The following APCDD1 variants were observed in gnomAD, a reference collection of about 807,000 sequenced individuals.
The protein encoded by APCDD1 is APC down-regulated 1, also known as protein APCDD1.
A neutral mutation model predicts 38.1 loss-of-function variants in APCDD1; 15 were observed. The observed-to-expected ratio is 0.39, with a 90% CI of 0.26 to 0.61. APCDD1 has a LOEUF of 0.61. Ranked by LOEUF, APCDD1 falls within the 20% of genes least tolerant of loss-of-function variation. The pLI, the probability that APCDD1 is intolerant of heterozygous loss-of-function variation, is 0.49. For missense variants in APCDD1, 647 were observed against 696.2 expected, an observed-to-expected ratio of 0.93 and a Z score of 0.79; for synonymous variants, 261 against 279.7, an observed-to-expected ratio of 0.93 and a Z score of 0.67.
rs927955703 is a variant in APCDD1 at position 10,470,250 on chromosome 18, ATCT to A, written c.243-1275_243-1273del. ...TAGATTAAAAAATTAAACAAAAGGG[ATCT>A]TCTTTTCTAAACCTCATCTAACATG... On this transcript the variant is annotated intron_variant, in intron 2 of 4. Transcript: ENST00000355285. The surrounding 1 kb of genome is among the most constrained non-coding windows in gnomAD (Gnocchi z 4.1). 1.3e-5 allele frequency among the ~76,000 whole-genome samples: 2 copies of A among 152,096 alleles called. No homozygotes were observed. Among genetic ancestry groups the A allele is most frequent in the African/African-American group, 4.8e-5 (2 of 41,426 alleles).
chr18:10,474,549 A>G (rs1402939239), intron 3 of APCDD1, among the ~76,000 whole-genome samples: 1 of 152,148 alleles, frequency 6.6e-6, no homozygotes, highest in Admixed American at 6.5e-5. Flanking sequence ...AGTCCTTTGC[A>G]CCCACTCAGG....
At chr18:10,480,690 C>T (rs746359598) in intron 3 of APCDD1, among the ~76,000 whole-genome samples, 4 of 145,362 alleles carry the variant, frequency 2.8e-5, no homozygotes, top group East Asian at 2.1e-4. Context: ...GGTGAAACCC[C>T]GTCTCTACAA....
chr18:10,472,934 T>A lies in APCDD1; in HGVS notation c.774+873T>A, dbSNP rs1284642551. Reference sequence around the variant, plus strand: ...GTCCCAGGCAGGAGGGGAGTGGGCTTCTGCCCAGTGCGTAGTGTGAACGTG... The same window carrying A: ...GTCCCAGGCAGGAGGGGAGTGGGCTACTGCCCAGTGCGTAGTGTGAACGTG... On this transcript the variant is annotated intron_variant, in intron 3 of 4. Transcript: ENST00000355285. This position sits in a 1 kb window ranked among gnomAD's most constrained non-coding sequence, Gnocchi z 6.6. Among the ~76,000 whole-genome samples, 21 of 152,072 alleles carry A rather than the reference T, an allele frequency of 1.4e-4. No homozygotes were observed. Among genetic ancestry groups the A allele is most frequent in the Admixed American group, 1.4e-3 (21 of 15,280 alleles).
In APCDD1 at chr18:10,468,657, G is replaced by A; in HGVS notation, c.242+5G>A. On this transcript the variant is annotated splice_donor_5th_base_variant and intron_variant, in intron 2 of 4. Transcript: ENST00000355285. ...GGGCCACTGGGTCTCCACAGGGTAA[G>A]AGGACAGGTGGGGTCTGGGAGAGGC... 1 of 1,613,338 alleles carries A rather than the reference G, an allele frequency of 6.2e-7. No individual in the cohort carries two copies. Among genetic ancestry groups the A allele is most frequent in the Non-Finnish European group, 8.5e-7 (1 of 1,180,014 alleles).
intron 4 of APCDD1, among the ~76,000 whole-genome samples, chr18:10,487,012 A>G (rs2031263216): frequency 6.6e-6 from 1 of 152,220 alleles, no homozygotes. Context: ...GACCTTCAGA[A>G]GCAATTCTCC....
At position 10,481,803 on chromosome 18, in the gene APCDD1, T is replaced by C. The variant is rs76516585; in HGVS notation, c.775-3659T>C. 5.3e-5 allele frequency among the ~76,000 whole-genome samples: 8 copies of C among 151,024 alleles called. No homozygotes were observed. The East Asian group carries it at 1.6e-3, about 30-fold the overall frequency. ...CCACCTGATGGAAAACAAGCCTCCC[T>C]GCGCCTGTGCTCTCCACAAGACAAA... On this transcript the variant is annotated intron_variant, in intron 3 of 4. Transcript: ENST00000355285.
Position 10,471,403 on chromosome 18 carries a change from C to A in APCDD1, c.243-127C>A. 8.1e-7 allele frequency: 1 copy of A among 1,237,944 alleles called. No homozygotes were observed. The highest frequency in any genetic ancestry group is 1.3e-5 in the South Asian group (1 of 77,312). 76.7% of individuals were successfully genotyped at this position (1,237,944 alleles called of 1,614,324 possible). A position where few individuals can be genotyped will look rare whatever the true frequency, so the allele number is the denominator to read the frequency against. On this transcript the variant is annotated intron_variant, in intron 2 of 4. Coordinates refer to ENST00000355285, the MANE Select transcript of APCDD1 (RefSeq NM_153000.5). The surrounding 1 kb of genome is among the most constrained non-coding windows in gnomAD (Gnocchi z 5.5). Reference sequence around the variant, plus strand: ...TCAATGAGTTGGTATCTATAAAGGGCTGACAACAGAGTCTGGCCCATCGTC... The same window carrying A: ...TCAATGAGTTGGTATCTATAAAGGGATGACAACAGAGTCTGGCCCATCGTC...
intron 3 of APCDD1, among the ~76,000 whole-genome samples, chr18:10,473,925 ATTT>A (rs10691722): frequency 7.8e-6 from 1 of 127,812 alleles, no homozygotes. Flanking sequence ...CCTTTCTGGG[ATTT>A]TTTTTTTTTT....
rs555192689 is a variant in APCDD1 at position 10,475,819 on chromosome 18, G to A, written c.774+3758G>A. The stretch of plus-strand genomic sequence containing the variant: ...GGGGGGGGGGGGTCAGTGGAAGGCC[G>A]AGTGGCTCTGGTAGCTGAAAGGGTC... On this transcript the variant is annotated intron_variant, in intron 3 of 4. Transcript: ENST00000355285. This position sits in a 1 kb window ranked among gnomAD's most constrained non-coding sequence, Gnocchi z 4.0. 1.3e-5 allele frequency: 2 copies of A among 149,626 alleles called. No homozygotes were observed. Among genetic ancestry groups the A allele is most frequent in the East Asian group, 3.9e-4 (2 of 5,152 alleles). 9.3% of individuals were successfully genotyped at this position (149,626 alleles called of 1,614,324 possible).
At position 10,470,838 on chromosome 18, in the gene APCDD1, C is replaced by T. The variant is rs2030833820; in HGVS notation, c.243-692C>T. On this transcript the variant is annotated intron_variant, in intron 2 of 4. Coordinates refer to ENST00000355285, the MANE Select transcript of APCDD1 (RefSeq NM_153000.5). This position sits in a 1 kb window ranked among gnomAD's most constrained non-coding sequence, Gnocchi z 4.1. The stretch of plus-strand genomic sequence containing the variant: ...GTCTCAGTGCTTCTGGCTCAGGAAC[C>T]TAGCATTCATCTAAGGCCACACTGG... Among the ~76,000 whole-genome samples, 1 of 152,224 alleles carries T rather than the reference C, an allele frequency of 6.6e-6. No individual in the cohort carries two copies. The highest frequency in any genetic ancestry group is 2.4e-5 in the African/African-American group (1 of 41,464).
intron 3 of APCDD1, among the ~76,000 whole-genome samples, chr18:10,480,924 A>G (rs972540004): frequency 6.8e-6 from 1 of 148,050 alleles, no homozygotes; most frequent in African/African-American, 2.5e-5. Context: ...GTAACTAGTC[A>G]ACAACCAAAA....
At position 10,454,804 on chromosome 18, in the gene APCDD1, G is replaced by C. The variant is rs1331342056; in HGVS notation, c.-178G>C. ...CCACAGCCGCCCGACGGCGCCCAGA[G>C]AGCGCGCGCCCCGCAGCCCCGCGCC... is the stretch of plus-strand genomic sequence containing the variant. On this transcript the variant is annotated 5_prime_UTR_variant, in exon 1 of 5. Transcript: ENST00000355285. 1.0e-6 allele frequency: 1 copy of C among 982,514 alleles called. No individual in the cohort carries two copies. 60.9% of individuals were successfully genotyped at this position (982,514 alleles called of 1,614,324 possible).
At chr18:10,455,101 G>A in intron 1 of APCDD1, 62 bp downstream of exon 1, 1 of 1,542,078 alleles carries the variant, frequency 6.5e-7, no homozygotes, top group Non-Finnish European at 8.7e-7. Context: ...GCGCCGCGGA[G>A]CCCGCGGAGG....
chr18:10,464,831 A>T (rs1054687549), intron 1 of APCDD1, among the ~76,000 whole-genome samples: 11 of 152,192 alleles, frequency 7.2e-5, no homozygotes, highest in African/African-American at 2.7e-4. Context: ...CTTTGCCTGG[A>T]GGCCCTATGT....
chr18:10,463,096 C>T (rs577541665), intron 1 of APCDD1, among the ~76,000 whole-genome samples: 10 of 152,060 alleles, frequency 6.6e-5, no homozygotes, highest in East Asian at 1.9e-4. Flanking sequence ...TAGGTCACCC[C>T]GTGCCCCCTT....
In APCDD1 at chr18:10,487,752, C is replaced by T. The variant is rs114154601; in HGVS notation, c.1259C>T (p.Thr420Met). Residue 420 changes from threonine (T) to methionine (M), a missense_variant, in exon 5 of 5, where the codon ACG (threonine) becomes ATG (methionine). By Grantham distance (81) the Thr-to-Met change is moderately conservative. Transcript: ENST00000355285. ...CVALGIKLPH[T>M]EYEIFKMEQD... ...GCCCTGGGCATCAAACTACCTCACA[C>T]GGAGTACGAGATCTTCAAAATGGAA... is the stretch of plus-strand genomic sequence containing the variant. 1,591 of 1,614,184 alleles carry T rather than the reference C, an allele frequency of 9.9e-4. 4 individuals are homozygous for T. Among genetic ancestry groups the T allele is most frequent in the Admixed American group, 2.1e-3 (126 of 60,028 alleles).
chr18:10,458,115 A>G (rs2030427666), intron 1 of APCDD1, among the ~76,000 whole-genome samples: 1 of 152,234 alleles, frequency 6.6e-6, no homozygotes, highest in Non-Finnish European at 1.5e-5. Flanking sequence ...ACAGATTAGC[A>G]TGAGGTATCC....
At position 10,485,495 on chromosome 18, in the gene APCDD1, A is replaced by G. The variant is rs1696896166; in HGVS notation, c.808A>G (p.Ile270Val). The change falls in exon 4 of 5, where the codon ATC (isoleucine) becomes GTC (valine). Residue 270 changes from isoleucine to valine, a missense_variant. Coordinates refer to ENST00000355285, the MANE Select transcript of APCDD1 (RefSeq NM_153000.5). The surrounding 1 kb of genome is among the most constrained non-coding windows in gnomAD (Gnocchi z 5.8). ...HDHACIACRIIYRSDEHHPPI... is the reference protein window; with the variant it reads ...HDHACIACRIVYRSDEHHPPI... The stretch of plus-strand genomic sequence containing the variant: ...CCATGCCTGCATCGCCTGTCGGATC[A>G]TCTATCGGTCAGACGAGCACCACCC... 1 of 1,614,030 alleles carries G rather than the reference A, an allele frequency of 6.2e-7. No homozygotes were observed. Among genetic ancestry groups the G allele is most frequent in the Non-Finnish European group, 8.5e-7 (1 of 1,180,046 alleles).
rs371385019 is a variant in APCDD1 at position 10,471,604 on chromosome 18, A to G, written c.317A>G (p.Tyr106Cys). 2.4e-4 allele frequency: 383 copies of G among 1,614,160 alleles called. 7 individuals are homozygous for G. The South Asian group carries it at 3.9e-3, about 16-fold the overall frequency. Residue 106 changes from tyrosine (Y) to cysteine (C), a missense_variant, in exon 3 of 5, where the codon TAC (tyrosine) becomes TGC (cysteine). Tyr to Cys is a radical substitution (Grantham distance 194). Transcript: ENST00000355285. This position sits in a 1 kb window ranked among gnomAD's most constrained non-coding sequence, Gnocchi z 5.5. The part of the protein sequence containing the change: ...RFYHNNTFKA[Y>C]QFYYGSNRCT... ...TACCACAATAACACCTTCAAGGCCT[A>G]CCAATTTTATTATGGCAGCAACCGG...
Sources: allele counts gnomAD v4.1 joint callset (sites outside exome capture counted in the v4.1 genomes callset), GRCh38; gene constraint gnomAD v4.1.1; non-coding constraint Gnocchi (gnomAD v3.1); transcripts MANE v1.5; gene names NCBI Gene and HGNC (gene_info 2026-07-23, HGNC 2026-07-21).